Variants in GYS1 observed in about 807,000 individuals in gnomAD.
GYS1 encodes glycogen [starch] synthase, muscle.
GYS1 carries 60 observed loss-of-function variants against 89.1 expected under a neutral mutation model. The observed-to-expected ratio is 0.67, with a 90% confidence interval of 0.55 to 0.84. The LOEUF (loss-of-function observed/expected upper bound fraction) is 0.84, where lower values mean the gene tolerates loss of function less well. Ranked by LOEUF, GYS1 falls within the 40% of genes least tolerant of loss-of-function variation. GYS1 has a pLI of 0.00. For synonymous variants in GYS1, 366 were observed against 401.7 expected (o/e 0.91, Z 1.06); for missense variants, 888 against 1,003.1 (o/e 0.89, Z 1.55).
chr19:48,979,646 C>CT (rs56291141), intron 8 of GYS1, among the ~76,000 whole-genome samples: 4,340 of 114,800 alleles, frequency 0.038, 125 homozygotes, highest in Admixed American at 0.06. Context: ...CTCTTTCTTT[C>CT]TTTTTTTTTT....
At chr19:48,981,061 C>T (rs1215204927) in intron 8 of GYS1, among the ~76,000 whole-genome samples, 2 of 150,412 alleles carry the variant, frequency 1.3e-5, no homozygotes, top group East Asian at 2.0e-4. Flanking sequence ...TGCAGTGAGC[C>T]GAGATCATGC....
rs1280023779 is a variant in GYS1 at position 48,970,584 on chromosome 19, G to C, written c.1771C>G (p.Arg591Gly). ...TTCCAGTCCAGAAGGTCGGAGAGGC[G>C]CTCCGTGCGGTTCCGCTGGATGATA... is the stretch of plus-strand genomic sequence containing the variant. ...QRIIQRNRTE[R>G]LSDLLDWKYL... Residue 591 changes from arginine to glycine, a missense_variant, in exon 14 of 16, where the codon CGC (arginine) becomes GGC (glycine). Physicochemically the swap from Arg to Gly is moderately radical, Grantham distance 125. Transcript: ENST00000323798. 1 of 1,613,758 alleles carries C rather than the reference G, an allele frequency of 6.2e-7. No homozygotes were observed. Among genetic ancestry groups the C allele is most frequent in the Non-Finnish European group, 8.5e-7 (1 of 1,179,820 alleles).
intron 2 of GYS1, among the ~76,000 whole-genome samples, chr19:48,990,282 G>A (rs369297722): frequency 6.6e-6 from 1 of 152,004 alleles, no homozygotes; most frequent in African/African-American, 2.4e-5. Context: ...GTCTCTTTCC[G>A]TCTTCACCCT....
intron 1 of GYS1, among the ~76,000 whole-genome samples, chr19:48,992,771 C>T (rs573191541): frequency 2.0e-5 from 3 of 152,126 alleles, no homozygotes; most frequent in Non-Finnish European, 4.4e-5. Context: ...CGCCCTCTTC[C>T]CTAGGACCCA....
Position 48,985,623 on chromosome 19 carries a change from GC to G in GYS1, c.679-19del. 6.2e-7 allele frequency: 1 copy of G among 1,613,656 alleles called. No homozygotes were observed. The highest frequency in any genetic ancestry group is 8.5e-7 in the Non-Finnish European group (1 of 1,179,702). ...ACGTTGAACTGGGTGGGAGGGGACA[GC>G]AGTCCGGTTAGAAGGATTGGGGAGA... On this transcript the variant is annotated intron_variant, in intron 4 of 15. Transcript: ENST00000323798.
intron 3 of GYS1, 127 bp from the exon 4 acceptor site, chr19:48,986,162 C>T: frequency 1.2e-6 from 1 of 824,974 alleles, no homozygotes; most frequent in South Asian, 1.4e-5. Context: ...TGGGCAGCGG[C>T]CCACTGCAGC....
At position 48,970,644 on chromosome 19, in the gene GYS1, G is replaced by C; in HGVS notation, c.1711C>G (p.Leu571Val). ...CGGCTCTGCTGACAGAAACTGTAGAGGAAGGAGGTGAGCTGCGAGCAGGAA... is the reference window on the plus strand; with the variant it reads ...CGGCTCTGCTGACAGAAACTGTAGACGAAGGAGGTGAGCTGCGAGCAGGAA... Reference protein sequence around the residue: ...DDSCSQLTSFLYSFCQQSRRQ... With the variant: ...DDSCSQLTSFVYSFCQQSRRQ... Residue 571 changes from leucine (L) to valine (V), a missense_variant, in exon 14 of 16, where the codon CTC becomes GTC. Physicochemically the swap from Leu to Val is conservative, Grantham distance 32. Transcript: ENST00000323798. The C allele has an allele frequency of 6.2e-7, 1 of 1,614,024 alleles. No homozygotes were observed. Among genetic ancestry groups the C allele is most frequent in the South Asian group, 1.1e-5 (1 of 91,076 alleles).
At chr19:48,979,646 C>CTTTTT (rs56291141) in intron 8 of GYS1, among the ~76,000 whole-genome samples, 20 of 114,962 alleles carry the variant, frequency 1.7e-4, no homozygotes, top group Admixed American at 5.7e-4. Flanking sequence ...CTCTTTCTTT[C>CTTTTT]TTTTTTTTTT....
In GYS1 at chr19:48,991,199, C is replaced by T. The variant is rs1016197386; in HGVS notation, c.300+103G>A. The T allele has an allele frequency of 1.6e-6, 2 of 1,280,694 alleles. No homozygotes were observed. The highest frequency in any genetic ancestry group is 2.3e-6 in the Non-Finnish European group (2 of 888,120). 79.3% of individuals were successfully genotyped at this position (1,280,694 alleles called of 1,614,324 possible). ...CCTTCCTGTGTCCAAGCCTGCCTCGCTCTCTGGCTGGGGCTGTCCACCCTG... is the reference window on the plus strand; with the variant it reads ...CCTTCCTGTGTCCAAGCCTGCCTCGTTCTCTGGCTGGGGCTGTCCACCCTG... On this transcript the variant is annotated intron_variant, in intron 2 of 15. Transcript: ENST00000323798. This position sits in a 1 kb window ranked among gnomAD's most constrained non-coding sequence, Gnocchi z 4.7.
At position 48,982,356 on chromosome 19, in the gene GYS1, C is replaced by A; in HGVS notation, c.961G>T (p.Asp321Tyr). The A allele has an allele frequency of 6.2e-7, 1 of 1,613,858 alleles. No individual in the cohort carries two copies. The highest frequency in any genetic ancestry group is 8.5e-7 in the Non-Finnish European group (1 of 1,179,904). ...GCGATAAAGAAGTATAAGGTCTTGTCCAAGTTGAAGTCCAGATGCCTAAAG... is the reference window on the plus strand; with the variant it reads ...GCGATAAAGAAGTATAAGGTCTTGTACAAGTTGAAGTCCAGATGCCTAAAG... ...HFYGHLDFNL[D>Y]KTLYFFIAGR... Residue 321 changes from aspartate (D) to tyrosine (Y), a missense_variant, in exon 7 of 16, where the codon GAC becomes TAC. Physicochemically the swap from Asp to Tyr is radical, Grantham distance 160 (BLOSUM62 -3). Coordinates refer to ENST00000323798, the MANE Select transcript of GYS1 (RefSeq NM_002103.5).
At chr19:48,970,103 CA>C (rs2038534565) in intron 14 of GYS1, among the ~76,000 whole-genome samples, 1 of 152,146 alleles carries the variant, frequency 6.6e-6, no homozygotes, top group African/African-American at 2.4e-5. Context: ...CACCCTTATG[CA>C]AATGAGAACG....
rs1165146173 is a variant in GYS1, at chr19:48,991,052, G to A, written c.300+250C>T. Among the ~76,000 whole-genome samples, 1 of 152,200 alleles carries A rather than the reference G, an allele frequency of 6.6e-6. No homozygotes were observed. The highest frequency in any genetic ancestry group is 6.5e-5 in the Admixed American group (1 of 15,278). On this transcript the variant is annotated intron_variant, in intron 2 of 15. Transcript: ENST00000323798. This position sits in a 1 kb window ranked among gnomAD's most constrained non-coding sequence, Gnocchi z 4.7. ...CTTTCTCTCTGGGTCTGAGGACCTT[G>A]GCCTCTTGGATCTCCGTCTCAGTCT...
At position 48,968,465 on chromosome 19, in the gene GYS1, G is replaced by A. The variant is rs1568614158; in HGVS notation, c.*823C>T. The A allele has an allele frequency of 6.6e-6, 3 of 454,444 alleles. No individual in the cohort carries two copies. Among genetic ancestry groups the A allele is most frequent in the Non-Finnish European group, 1.3e-5 (3 of 226,776 alleles). The allele number at this position is 454,444 out of a possible 1,614,324, so 28.2% of individuals were successfully genotyped here. A position where few individuals can be genotyped will look rare whatever the true frequency, so the allele number is the denominator to read the frequency against. On this transcript the variant is annotated 3_prime_UTR_variant, in exon 16 of 16. Transcript: ENST00000323798. ...GAGCAGTTGGGAATAAGCCAGGTTA[G>A]GGGTGGGGGAAGACAGCCAGCTCTG...
At chr19:48,970,325 C>G (rs564069877) in intron 14 of GYS1, 3 of 555,986 alleles carry the variant, frequency 5.4e-6, no homozygotes, top group Non-Finnish European at 9.7e-6. Context: ...TAAAATGTTG[C>G]CCAGGCTGGT....
At chr19:48,974,134 A>C in intron 12 of GYS1, 79 bp downstream of exon 12, 1 of 1,444,218 alleles carries the variant, frequency 6.9e-7, no homozygotes, top group Non-Finnish European at 9.5e-7. Flanking sequence ...GGCTCAGAGA[A>C]GGCCAGTGCC....
intron 10 of GYS1, among the ~76,000 whole-genome samples, chr19:48,975,167 G>A (rs1022537000): frequency 1.4e-4 from 21 of 151,742 alleles, no homozygotes; most frequent in South Asian, 2.1e-4. Flanking sequence ...TCCTGACCTC[G>A]TGATCCACCT....
At chr19:48,978,281 AATGGC>A in intron 8 of GYS1, 124 bp from the exon 9 acceptor site, 1 of 839,016 alleles carries the variant, frequency 1.2e-6, no homozygotes, top group Non-Finnish European at 2.0e-6. Context: ...GCTGGAATGC[AATGGC>A]GTGATCTCGG....
At position 48,974,733 on chromosome 19, in the gene GYS1, G is replaced by A. The variant is rs369143238; in HGVS notation, c.1309C>T (p.Arg437Trp). ...MMKRAIFATQ[R>W]QSFPPVCTHN... Reference sequence around the variant, plus strand: ...GTGCACACAGGGGGGAAAGACTGCCGCTGCAGGAGCCACAAGAAGGGTAAG... The same window carrying A: ...GTGCACACAGGGGGGAAAGACTGCCACTGCAGGAGCCACAAGAAGGGTAAG... Residue 437 changes from arginine (R) to tryptophan (W), a missense_variant and splice_region_variant, in exon 11 of 16, where the codon CGG becomes TGG. By Grantham distance (101) the Arg-to-Trp change is moderately radical. Coordinates refer to ENST00000323798, the MANE Select transcript of GYS1 (RefSeq NM_002103.5). 8 of 1,600,936 alleles carry A rather than the reference G, an allele frequency of 5.0e-6. No homozygotes were observed. Among genetic ancestry groups the A allele is most frequent in the Non-Finnish European group, 6.8e-6 (8 of 1,168,370 alleles).
intron 1 of GYS1, among the ~76,000 whole-genome samples, chr19:48,992,508 C>G (rs2038952395): frequency 6.6e-6 from 1 of 152,252 alleles, no homozygotes; most frequent in Non-Finnish European, 1.5e-5. Context: ...CCAGCCCGTC[C>G]CATCTTTATT....
Sources: gnomAD v4.1 joint callset for allele counts (sites outside exome capture counted in the v4.1 genomes callset) on GRCh38, gnomAD v4.1.1 for gene constraint, Gnocchi (gnomAD v3.1) non-coding constraint, MANE v1.5 for transcripts, NCBI Gene and HGNC (gene_info 2026-07-23, HGNC 2026-07-21) for gene names.